JAM2: variants seen among roughly 807,000 people sequenced by gnomAD.
The protein encoded by JAM2 is junctional adhesion molecule 2, also known as junctional adhesion molecule B.
JAM2 carries 17 observed loss-of-function variants against 42.0 expected under a neutral mutation model. The observed-to-expected ratio is 0.40, with a 90% CI of 0.28 to 0.61. JAM2 has a LOEUF of 0.61. JAM2 is among the 20% of genes least tolerant of loss of function. The pLI is 0.37. For missense variants in JAM2, 319 were observed against 358.3 expected, an observed-to-expected ratio of 0.89 and a Z score of 0.89; for synonymous variants, 118 against 128.6, an observed-to-expected ratio of 0.92 and a Z score of 0.56.
intron 1 of JAM2, among the ~76,000 whole-genome samples, chr21:25,678,712 ATATGTT>A (rs2033557343): frequency 1.3e-5 from 2 of 152,192 alleles, no homozygotes; most frequent in African/African-American, 2.4e-5. Flanking sequence ...TCCCTATTGA[ATATGTT>A]TGCCATTTAG....
intron 1 of JAM2, among the ~76,000 whole-genome samples, chr21:25,646,607 A>G (rs2032621202): frequency 6.6e-6 from 1 of 151,854 alleles, no homozygotes; most frequent in African/African-American, 2.4e-5. Flanking sequence ...AGAGAGAGAG[A>G]GGGAGGATGG....
intron 2 of JAM2, among the ~76,000 whole-genome samples, chr21:25,688,472 G>A (rs373349436): frequency 1.3e-5 from 2 of 152,126 alleles, no homozygotes; most frequent in East Asian, 1.9e-4. Context: ...TCAAGACTCC[G>A]GAAGGTCACC....
Position 25,706,125 on chromosome 21 carries a change from A to G in JAM2, c.805+39A>G, listed in dbSNP as rs1260273738. On this transcript the variant is annotated intron_variant, in intron 7 of 9. Transcript: ENST00000480456. ...ACCCTTCTTTGGCAGATAACTTTCT[A>G]TGGCTATGGAGTTTATTTATGAGAT... is the stretch of plus-strand genomic sequence containing the variant. The G allele has an allele frequency of 4.1e-6, 5 of 1,231,556 alleles. No homozygotes were observed. In the Admixed American group the frequency reaches 6.7e-5, roughly 17 times the overall value. The allele number at this position is 1,231,556 out of a possible 1,614,324, so 76.3% of individuals were successfully genotyped here.
At chr21:25,677,656 T>C (rs562222150) in intron 1 of JAM2, among the ~76,000 whole-genome samples, 1 of 152,214 alleles carries the variant, frequency 6.6e-6, no homozygotes, top group Non-Finnish European at 1.5e-5. Flanking sequence ...GTGTGATGTT[T>C]GAAAAGTTCA....
At chr21:25,663,006 G>A (rs913810103) in intron 1 of JAM2, among the ~76,000 whole-genome samples, 2 of 152,188 alleles carry the variant, frequency 1.3e-5, no homozygotes, top group Non-Finnish European at 2.9e-5. Context: ...TGTATGGGAG[G>A]ACAGAAGGGG....
intron 1 of JAM2, among the ~76,000 whole-genome samples, chr21:25,665,555 G>A (rs9983456): frequency 0.4 from 60,473 of 151,920 alleles, 13,960 homozygotes; most frequent in East Asian, 0.63. Context: ...TAAGGAATTG[G>A]TTCATGTGAT....
chr21:25,710,713 G>A (rs1045625671), intron 8 of JAM2, among the ~76,000 whole-genome samples: 4 of 152,200 alleles, frequency 2.6e-5, no homozygotes, highest in African/African-American at 4.8e-5. Flanking sequence ...CAAAAGTAGC[G>A]GTGGGGGCAG....
chr21:25,695,071 C>T (rs1463437250), intron 4 of JAM2, among the ~76,000 whole-genome samples: 1 of 151,408 alleles, frequency 6.6e-6, no homozygotes, highest in Non-Finnish European at 1.5e-5. Context: ...GAGGGAAGGT[C>T]AGCAGATAAA....
At chr21:25,709,484 C>A in intron 8 of JAM2, 35 bp downstream of exon 8, 1 of 1,362,650 alleles carries the variant, frequency 7.3e-7, no homozygotes, top group Non-Finnish European at 1.0e-6. Flanking sequence ...TGTCTTTCTC[C>A]TATGTCAACT....
At chr21:25,703,295 G>A (rs970857078) in intron 6 of JAM2, among the ~76,000 whole-genome samples, 2 of 152,254 alleles carry the variant, frequency 1.3e-5, no homozygotes, top group African/African-American at 4.8e-5. Flanking sequence ...TGGTTTTGAT[G>A]TATTAGTTAC....
intron 1 of JAM2, among the ~76,000 whole-genome samples, chr21:25,670,798 T>A (rs1042133628): frequency 6.6e-6 from 1 of 152,238 alleles, no homozygotes; most frequent in African/African-American, 2.4e-5. Context: ...GAATCTTGCC[T>A]GACAATTGTG....
chr21:25,653,754 T>C (rs531205333), intron 1 of JAM2, among the ~76,000 whole-genome samples: 1 of 152,226 alleles, frequency 6.6e-6, no homozygotes, highest in East Asian at 1.9e-4. Flanking sequence ...AAGATGAGAT[T>C]TGGGTAGGGA....
At chr21:25,651,076 A>AAC (rs1555859495) in intron 1 of JAM2, among the ~76,000 whole-genome samples, 24 of 149,416 alleles carry the variant, frequency 1.6e-4, no homozygotes, top group South Asian at 8.3e-4. Context: ...AAAAAAAAAA[A>AAC]AAAAAAACAA....
intron 3 of JAM2, among the ~76,000 whole-genome samples, chr21:25,692,749 A>G (rs960682387): frequency 2.0e-5 from 3 of 152,242 alleles, no homozygotes; most frequent in African/African-American, 4.8e-5. Flanking sequence ...GAAAAAGGTC[A>G]GTTAAATATT....
Position 25,714,660 on chromosome 21 carries a change from CT to C in JAM2, c.888del (p.Phe296LeufsTer2). ...SENDFKHTKS[F>X]II is the part of the protein sequence containing the mutation. ...CCTAGGATTTCAAGCACACAAAATC[CT>C]TTATAATTTAAAGACTCCACTTTAG... On this transcript the variant is annotated frameshift_variant, in exon 10 of 10. Transcript: ENST00000480456. LOFTEE classifies it high-confidence loss of function. The C allele has an allele frequency of 6.6e-7, 1 of 1,509,762 alleles. No individual in the cohort carries two copies. Among genetic ancestry groups the C allele is most frequent in the Non-Finnish European group, 8.9e-7 (1 of 1,122,930 alleles). The allele number at this position is 1,509,762 out of a possible 1,614,324, so 93.5% of individuals were successfully genotyped here.
In JAM2 at chr21:25,648,569, T is replaced by A. The variant is rs1335786457; in HGVS notation, c.67+8681T>A. Among the ~76,000 whole-genome samples the A allele has an allele frequency of 3.3e-5, 5 of 152,198 alleles. No homozygotes were observed. In the East Asian group the frequency reaches 9.6e-4, roughly 29 times the overall value. On this transcript the variant is annotated intron_variant, in intron 1 of 9. Transcript: ENST00000480456. ...GTTGTTGTTGCTATTGTTCCTCATA[T>A]GGCCAAATGCAATTTCTCCCTGAAG...
intron 1 of JAM2, among the ~76,000 whole-genome samples, chr21:25,682,078 A>G (rs1020588144): frequency 6.6e-6 from 1 of 152,254 alleles, no homozygotes; most frequent in Non-Finnish European, 1.5e-5. Context: ...TTAGTATACA[A>G]TAAGGAATGG....
intron 1 of JAM2, among the ~76,000 whole-genome samples, chr21:25,675,570 GGGAA>G (rs1205065966): frequency 2.2e-3 from 328 of 146,710 alleles, no homozygotes; most frequent in Middle Eastern, 6.8e-3. Context: ...GAAGGAAGGA[GGGAA>G]GGAAGGAAGG....
intron 1 of JAM2, among the ~76,000 whole-genome samples, chr21:25,676,286 C>CAAAAAAAAAAAAAAAAA (rs397958040): frequency 1.6e-5 from 1 of 61,262 alleles, no homozygotes; most frequent in Non-Finnish European, 3.3e-5. Context: ...AGACTCGTCT[C>CAAAAAAAAAAAAAAAAA]AAAAAAAAAA....
Sources: gnomAD v4.1 joint callset for allele counts (sites outside exome capture counted in the v4.1 genomes callset) on GRCh38, gnomAD v4.1.1 for gene constraint, MANE v1.5 for transcripts, NCBI Gene and HGNC (gene_info 2026-07-23, HGNC 2026-07-21) for gene names.